FGF13: variants seen among roughly 807,000 people sequenced by gnomAD.
The protein encoded by FGF13 is fibroblast growth factor homologous factor 2.
In FGF13, 2 loss-of-function variants were observed where a neutral mutation model predicts 19.5. That is an observed-to-expected ratio of 0.10 (90% CI 0.04 to 0.32). FGF13 has a LOEUF of 0.32. FGF13 is among the 10% of genes least tolerant of loss of function. The pLI is 1.00. For synonymous variants in FGF13, 72 were observed against 76.9 expected, an observed-to-expected ratio of 0.94 and a Z score of 0.33; for missense variants, 113 against 192.7, an observed-to-expected ratio of 0.59 and a Z score of 2.45.
At chrX:138,867,556 G>A (rs1055163331) in intron 1 of FGF13, among the ~76,000 whole-genome samples, 3 of 110,930 alleles carry the variant, frequency 2.7e-5, no homozygotes, top group Non-Finnish European at 3.8e-5. Context: ...ATGTTACATG[G>A]CATCAGGGAA....
At chrX:138,816,653 C>T (rs966254189) in intron 3 of FGF13, among the ~76,000 whole-genome samples, 2 of 112,688 alleles carry the variant, frequency 1.8e-5, no homozygotes, top group Non-Finnish European at 3.7e-5. Flanking sequence ...TTCTCTAAGG[C>T]AAGCTTGTCC....
chrX:138,870,708 A>G lies in FGF13; in HGVS notation c.-112-6058T>C, dbSNP rs184473943. On this transcript the variant is annotated intron_variant, in intron 1 of 2. Coordinates refer to the FGF13 transcript ENST00000421460. ...TGAGGAAGGTAGAATAGTGGAGCAGAGAGATGAAAGGAAAGAAGAGGCAGG... is the reference window on the plus strand; with the variant it reads ...TGAGGAAGGTAGAATAGTGGAGCAGGGAGATGAAAGGAAAGAAGAGGCAGG... 7.2e-4 allele frequency among the ~76,000 whole-genome samples: 81 copies of G among 112,714 alleles called. 2 individuals are homozygous for G. The highest frequency in any genetic ancestry group is 5.1e-4 in the Non-Finnish European group (27 of 53,356).
intron 3 of FGF13, among the ~76,000 whole-genome samples, chrX:138,780,941 A>T (rs1285896358): frequency 2.7e-5 from 3 of 110,581 alleles, no homozygotes; most frequent in Non-Finnish European, 5.7e-5. Flanking sequence ...GCAAATGTAA[A>T]AGAACAGAAA....
intron 1 of FGF13, among the ~76,000 whole-genome samples, chrX:139,203,110 G>T (rs5976307): frequency 4.6e-4 from 51 of 111,248 alleles, no homozygotes; most frequent in African/African-American, 1.7e-3. Flanking sequence ...GGCAAAGGGT[G>T]GGGGGGCGTC....
At chrX:139,093,704 T>C (rs1478120880) in intron 1 of FGF13, among the ~76,000 whole-genome samples, 1 of 111,928 alleles carries the variant, frequency 8.9e-6, no homozygotes. Flanking sequence ...CTGCTGGATT[T>C]CCATGGAGCC....
chrX:138,826,865 C>A, intron 3 of FGF13, among the ~76,000 whole-genome samples: 1 of 112,465 alleles, frequency 8.9e-6, no homozygotes, highest in Middle Eastern at 4.7e-3. Flanking sequence ...TCAATAGCTA[C>A]ATACCTTAAG....
Position 138,893,062 on chromosome X carries a change from TC to T in FGF13, c.-112-28413del, listed in dbSNP as rs1368863484. Among the ~76,000 whole-genome samples, 5 of 110,748 alleles carry T rather than the reference TC, an allele frequency of 4.5e-5. No homozygotes were observed. In the East Asian group the frequency reaches 1.4e-3, roughly 32 times the overall value. ...TACAAAAGGTAGCTACCGAGGCAGCTCAAAAAATCCATGCAACATTTGAAGC... is the reference window on the plus strand; with the variant it reads ...TACAAAAGGTAGCTACCGAGGCAGCTAAAAAATCCATGCAACATTTGAAGC... On this transcript the variant is annotated intron_variant, in intron 1 of 2. Transcript: ENST00000421460.
downstream of FGF13, among the ~76,000 whole-genome samples, chrX:138,856,578 C>T (rs2091259069): frequency 2.7e-5 from 3 of 111,804 alleles, no homozygotes; most frequent in Non-Finnish European, 5.6e-5. Flanking sequence ...ACACCAACTG[C>T]CAAAGAACAG....
chrX:138,863,195 G>A (rs2091298541), intron 2 of FGF13, among the ~76,000 whole-genome samples: 1 of 110,681 alleles, frequency 9.0e-6, no homozygotes, highest in Non-Finnish European at 1.9e-5. Flanking sequence ...ATATATGTAT[G>A]TATTTCTCTC....
chrX:139,118,590 A>C (rs925841035), intron 1 of FGF13, among the ~76,000 whole-genome samples: 25 of 111,592 alleles, frequency 2.2e-4, no homozygotes, highest in Admixed American at 3.8e-4. Context: ...ATAGGCTATC[A>C]CTAGAGAAAT....
intron 1 of FGF13, among the ~76,000 whole-genome samples, chrX:139,184,600 C>CTA (rs952357195): frequency 1.8e-5 from 2 of 110,147 alleles, no homozygotes; most frequent in African/African-American, 3.3e-5. Context: ...TCTTTTTTAC[C>CTA]TATATATATA....
intron 3 of FGF13, among the ~76,000 whole-genome samples, chrX:138,792,528 G>A (rs770338018): frequency 3.6e-5 from 4 of 111,466 alleles, no homozygotes; most frequent in Non-Finnish European, 7.5e-5. Flanking sequence ...ACTTATCCAA[G>A]GCCATATCAC....
At chrX:138,888,953 C>G (rs905682505) in intron 1 of FGF13, among the ~76,000 whole-genome samples, 1 of 112,110 alleles carries the variant, frequency 8.9e-6, no homozygotes, top group Non-Finnish European at 1.9e-5. Flanking sequence ...ATTATTTTTG[C>G]TGTCTTCCAT....
chrX:138,699,609 C>T (rs1212294780), intron 3 of FGF13, among the ~76,000 whole-genome samples: 1 of 112,004 alleles, frequency 8.9e-6, no homozygotes, highest in Non-Finnish European at 1.9e-5. Context: ...ACATATGAAA[C>T]ATTTCACATT....
At chrX:138,767,695 G>A (rs1023570614) in intron 3 of FGF13, among the ~76,000 whole-genome samples, 3 of 111,905 alleles carry the variant, frequency 2.7e-5, no homozygotes, top group East Asian at 2.8e-4. Flanking sequence ...GATATATAAC[G>A]GATACAGGCA....
At chrX:139,056,851 T>G (rs1224646408) in intron 1 of FGF13, among the ~76,000 whole-genome samples, 1 of 112,459 alleles carries the variant, frequency 8.9e-6, no homozygotes, top group Non-Finnish European at 1.9e-5. Flanking sequence ...GAGCTGCTTC[T>G]TTGATGTTCA....
intron 1 of FGF13, among the ~76,000 whole-genome samples, chrX:138,873,849 T>C (rs984323667): frequency 9.1e-6 from 1 of 110,167 alleles, no homozygotes; most frequent in African/African-American, 3.3e-5. Context: ...TCACGTCCTT[T>C]GTAGGGACGT....
At chrX:139,195,712 T>C (rs778685465) in intron 1 of FGF13, among the ~76,000 whole-genome samples, 61 of 112,685 alleles carry the variant, frequency 5.4e-4, no homozygotes, top group African/African-American at 1.4e-3. Flanking sequence ...TACTACATGA[T>C]TCCCAACTTC....
Position 138,635,545 on chromosome X carries a change from C to T in FGF13, c.513G>A (p.Leu171=). The change falls in exon 4 of 5, where the codon CTG becomes CTA. Residue 171 remains leucine, a synonymous_variant. Coordinates refer to ENST00000315930, the MANE Select transcript of FGF13 (RefSeq NM_004114.5). ...RQQQSGRGWY[L]GLNKEGEIMK... is the part of the protein sequence containing the mutation. Reference sequence around the variant, plus strand: ...TGATCTCTCCTTCTTTGTTCAGACCCAGATACCACCCTCGGCCTGACTGCT... The same window carrying T: ...TGATCTCTCCTTCTTTGTTCAGACCTAGATACCACCCTCGGCCTGACTGCT... The T allele has an allele frequency of 8.3e-7, 1 of 1,210,270 alleles. No individual in the cohort carries two copies. The highest frequency in any genetic ancestry group is 1.1e-6 in the Non-Finnish European group (1 of 894,242).
Sources: gnomAD v4.1 joint callset for allele counts (sites outside exome capture counted in the v4.1 genomes callset) on GRCh38, gnomAD v4.1.1 for gene constraint, MANE v1.5 for transcripts, NCBI Gene and HGNC (gene_info 2026-07-23, HGNC 2026-07-21) for gene names.